PLCL2: variants seen among roughly 807,000 people sequenced by gnomAD.
PLCL2 encodes the protein inactive phospholipase C-like protein 2.
In PLCL2, 4 loss-of-function variants were observed where a neutral mutation model predicts 79.6. The observed-to-expected ratio is 0.05, with a 90% confidence interval of 0.02 to 0.11. PLCL2 has a LOEUF of 0.11. PLCL2 is among the 10% of genes least tolerant of loss of function. The pLI, the probability that PLCL2 is intolerant of heterozygous loss-of-function variation, is 1.00. For synonymous variants in PLCL2, 484 were observed against 457.7 expected (o/e 1.06, Z -0.73); for missense variants, 895 against 1,291.0 (o/e 0.69, Z 4.70).
Position 17,011,689 on chromosome 3 carries a change from T to G in PLCL2, c.2343T>G (p.Pro781=), listed in dbSNP as rs1377794225. ...GSGAKGDVVD[P]YVYVEIHGIP... ...GTGCCAAAGGTGATGTGGTAGATCCTTATGTCTATGTTGAAATCCATGGAA... is the reference window on the plus strand; with the variant it reads ...GTGCCAAAGGTGATGTGGTAGATCCGTATGTCTATGTTGAAATCCATGGAA... Residue 781 remains proline, a synonymous_variant, in exon 2 of 6, where the codon CCT becomes CCG. Transcript: ENST00000615277. This position sits in a 1 kb window ranked among gnomAD's most constrained non-coding sequence, Gnocchi z 7.9. 1.5e-5 allele frequency: 25 copies of G among 1,614,004 alleles called. No individual in the cohort carries two copies. The highest frequency in any genetic ancestry group is 1.7e-6 in the Non-Finnish European group (2 of 1,180,010).
chr3:16,941,028 T>C (rs903467671), intron 1 of PLCL2, among the ~76,000 whole-genome samples: 6 of 152,310 alleles, frequency 3.9e-5, no homozygotes, highest in African/African-American at 1.4e-4. Context: ...TAGGCTTGCT[T>C]ATTCTAACCC....
intron 1 of PLCL2, among the ~76,000 whole-genome samples, chr3:16,971,414 T>A (rs1490969857): frequency 6.6e-6 from 1 of 152,208 alleles, no homozygotes; most frequent in Non-Finnish European, 1.5e-5. Context: ...TCTGTTCCAT[T>A]GATCTGTATC....
intron 1 of PLCL2, among the ~76,000 whole-genome samples, chr3:16,937,088 G>A (rs535751265): frequency 4.3e-4 from 66 of 152,250 alleles, no homozygotes; most frequent in African/African-American, 1.6e-3. Flanking sequence ...CAATAAAAAA[G>A]TGTCCCCAGC....
At chr3:16,959,971 G>A (rs1217304672) in intron 1 of PLCL2, among the ~76,000 whole-genome samples, 1 of 152,152 alleles carries the variant, frequency 6.6e-6, no homozygotes, top group Non-Finnish European at 1.5e-5. Flanking sequence ...TGGGCGTGGT[G>A]GCAGGCACCT....
intron 3 of PLCL2, among the ~76,000 whole-genome samples, chr3:17,037,260 G>A (rs996922420): frequency 5.9e-5 from 9 of 152,174 alleles, no homozygotes; most frequent in Admixed American, 2.0e-4. Context: ...CCACCTGGGC[G>A]TTTACTGGTC....
chr3:16,962,361 A>G (rs1378250765), intron 1 of PLCL2, among the ~76,000 whole-genome samples: 1 of 151,604 alleles, frequency 6.6e-6, no homozygotes, highest in Non-Finnish European at 1.5e-5. Flanking sequence ...AGCCTGCCCC[A>G]CGACCCATCT....
intron 2 of PLCL2, among the ~76,000 whole-genome samples, chr3:17,013,405 G>C (rs969396086): frequency 6.6e-6 from 1 of 152,238 alleles, no homozygotes; most frequent in Non-Finnish European, 1.5e-5. Flanking sequence ...TTGCATGCTA[G>C]TTGGGGGCAG....
chr3:16,951,231 T>C (rs2063648476), intron 1 of PLCL2, among the ~76,000 whole-genome samples: 1 of 152,158 alleles, frequency 6.6e-6, no homozygotes, highest in African/African-American at 2.4e-5. Flanking sequence ...GAGGTAGATC[T>C]TTGAGCACCT....
At chr3:16,982,285 G>C (rs139621024) in intron 1 of PLCL2, among the ~76,000 whole-genome samples, 16 of 152,178 alleles carry the variant, frequency 1.1e-4, no homozygotes, top group Non-Finnish European at 1.9e-4. Flanking sequence ...CTTTTTCATC[G>C]TATCAATTTT....
In PLCL2 at chr3:16,991,019, A is replaced by G. The variant is rs535501887; in HGVS notation, c.328-18655A>G. Among the ~76,000 whole-genome samples the G allele has an allele frequency of 3.9e-5, 6 of 152,250 alleles. No homozygotes were observed. The East Asian group carries it at 1.2e-3, about 29-fold the overall frequency. On this transcript the variant is annotated intron_variant, in intron 1 of 5. Coordinates refer to ENST00000615277, the MANE Select transcript of PLCL2 (RefSeq NM_001144382.2). ...AGAGGGGATGCAGCGTTTGCTGGAG[A>G]CACTCACCTTGCCCTGCAGAGAGAG... is the stretch of plus-strand genomic sequence containing the variant.
At chr3:16,940,404 G>A (rs893424111) in intron 1 of PLCL2, among the ~76,000 whole-genome samples, 9 of 151,940 alleles carry the variant, frequency 5.9e-5, no homozygotes, top group African/African-American at 1.7e-4. Flanking sequence ...GTAATCTTGC[G>A]TTTGCTTTTG....
intron 1 of PLCL2, among the ~76,000 whole-genome samples, chr3:16,931,845 T>C (rs541061086): frequency 1.4e-4 from 22 of 152,276 alleles, no homozygotes; most frequent in African/African-American, 4.3e-4. Flanking sequence ...TGATTGCATG[T>C]TTGTATCCCT....
At chr3:17,020,213 C>T (rs542949124) in intron 3 of PLCL2, among the ~76,000 whole-genome samples, 37 of 152,264 alleles carry the variant, frequency 2.4e-4, no homozygotes, top group Non-Finnish European at 4.9e-4. Flanking sequence ...AGTCAACATT[C>T]TTCCTCTATA....
intron 3 of PLCL2, among the ~76,000 whole-genome samples, chr3:17,032,927 A>G (rs1284280816): frequency 6.6e-6 from 1 of 152,170 alleles, no homozygotes; most frequent in Non-Finnish European, 1.5e-5. Context: ...GTGTGTGAAT[A>G]TGATTATATA....
At chr3:16,905,450 A>G (rs1221019168) in intron 1 of PLCL2, among the ~76,000 whole-genome samples, 2 of 152,208 alleles carry the variant, frequency 1.3e-5, no homozygotes, top group Admixed American at 6.5e-5. Context: ...ATTTTCTTTT[A>G]GTATAAAATG....
At chr3:16,994,839 T>C (rs570384543) in intron 1 of PLCL2, among the ~76,000 whole-genome samples, 44 of 152,270 alleles carry the variant, frequency 2.9e-4, no homozygotes, top group Non-Finnish European at 5.3e-4. Flanking sequence ...AGCTCCGTTA[T>C]TACATCCAGC....
intron 1 of PLCL2, among the ~76,000 whole-genome samples, chr3:16,918,572 G>C (rs958840358): frequency 3.9e-5 from 6 of 152,100 alleles, no homozygotes; most frequent in African/African-American, 1.2e-4. Context: ...GCCACAGAGA[G>C]ATGCATTTTG....
At chr3:16,893,810 G>A (rs1193075823) in intron 1 of PLCL2, among the ~76,000 whole-genome samples, 1 of 152,108 alleles carries the variant, frequency 6.6e-6, no homozygotes, top group Non-Finnish European at 1.5e-5. Flanking sequence ...TGCTATACTT[G>A]TGTATGCATA....
chr3:17,055,030 A>T (rs187843836), intron 4 of PLCL2, among the ~76,000 whole-genome samples: 15 of 152,320 alleles, frequency 9.8e-5, no homozygotes, highest in Admixed American at 8.5e-4. Context: ...ATAAACAGCA[A>T]TTTGGGAATG....
Sources: gnomAD v4.1 joint callset for allele counts (sites outside exome capture counted in the v4.1 genomes callset) on GRCh38, gnomAD v4.1.1 for gene constraint, Gnocchi (gnomAD v3.1) non-coding constraint, MANE v1.5 for transcripts, NCBI Gene and HGNC (gene_info 2026-07-23, HGNC 2026-07-21) for gene names.